CPNE4: variants seen among roughly 807,000 people sequenced by gnomAD.
CPNE4 encodes copine-4.
Under a neutral mutation model 67.9 loss-of-function variants are expected in CPNE4, and 25 were observed. That is an observed-to-expected ratio of 0.37 (90% confidence interval 0.27 to 0.51). The LOEUF is 0.51. Among genes scored for constraint, CPNE4 ranks in the 20% least tolerant of loss-of-function variants. The pLI, the probability that CPNE4 is intolerant of heterozygous loss-of-function variation, is 0.93. For synonymous variants in CPNE4, 242 were observed against 244.9 expected, an observed-to-expected ratio of 0.99 and a Z score of 0.11; for missense variants, 464 against 690.8, an observed-to-expected ratio of 0.67 and a Z score of 3.68.
intron 1 of CPNE4, among the ~76,000 whole-genome samples, chr3:132,029,524 G>A (rs1255151890): frequency 3.3e-5 from 5 of 152,136 alleles, no homozygotes; most frequent in Non-Finnish European, 4.4e-5. Context: ...CGTCCTTCTA[G>A]ACTCACCAGC....
At chr3:131,993,307 G>T (rs72628544) in intron 1 of CPNE4, among the ~76,000 whole-genome samples, 13,706 of 133,608 alleles carry the variant, frequency 0.1, 2,731 homozygotes, top group East Asian at 0.22. Flanking sequence ...ATGCTGTCCA[G>T]GTTCAGGACC....
intron 2 of CPNE4, among the ~76,000 whole-genome samples, chr3:131,788,416 C>T (rs942922606): frequency 3.9e-5 from 6 of 152,018 alleles, no homozygotes; most frequent in Admixed American, 2.6e-4. Flanking sequence ...AAAAGTTTAG[C>T]CTCTTTAATA....
At chr3:131,923,362 G>A (rs1014499228) in intron 1 of CPNE4, among the ~76,000 whole-genome samples, 2 of 152,170 alleles carry the variant, frequency 1.3e-5, no homozygotes, top group Admixed American at 6.6e-5. Flanking sequence ...TTCTGAGAAT[G>A]TGGAGCAGGG....
At chr3:131,895,399 G>A (rs1290651364) in intron 2 of CPNE4, among the ~76,000 whole-genome samples, 1 of 152,028 alleles carries the variant, frequency 6.6e-6, no homozygotes, top group Admixed American at 6.6e-5. Context: ...AAATGCATGA[G>A]ATGAAGCATA....
intron 2 of CPNE4, among the ~76,000 whole-genome samples, chr3:131,788,128 A>G (rs998625992): frequency 6.6e-6 from 1 of 152,124 alleles, no homozygotes; most frequent in Non-Finnish European, 1.5e-5. Context: ...GGAGCCTACA[A>G]AAGAAATTCA....
At chr3:131,916,078 C>T (rs532216379) in intron 1 of CPNE4, among the ~76,000 whole-genome samples, 2 of 152,110 alleles carry the variant, frequency 1.3e-5, no homozygotes, top group East Asian at 1.9e-4. Context: ...CTGTCACAGC[C>T]CCTCCTTTTC....
rs1172482258 is a variant in CPNE4 at position 131,596,349 on chromosome 3, G to A, written c.682-8767C>T. 4.3e-5 allele frequency among the ~76,000 whole-genome samples: 5 copies of A among 116,932 alleles called. 1 individual carries two copies. The highest frequency in any genetic ancestry group is 8.1e-5 in the African/African-American group (2 of 24,742). The allele number at this position is 116,932 out of a possible 152,430, so 76.7% of individuals were successfully genotyped here. A position where few individuals can be genotyped will look rare whatever the true frequency, so the allele number is the denominator to read the frequency against. On this transcript the variant is annotated intron_variant, in intron 7 of 15. Coordinates refer to ENST00000429747, the MANE Select transcript of CPNE4 (RefSeq NM_130808.3). ...TAAAAATTAAGTAAAGCGGCCGGGC[G>A]CGGTGGCTCACGCCTGTAATCCCAG...
chr3:131,984,373 A>G (rs1051060065), intron 1 of CPNE4, among the ~76,000 whole-genome samples: 2 of 152,216 alleles, frequency 1.3e-5, no homozygotes, highest in African/African-American at 2.4e-5. Context: ...TTAATTCACC[A>G]AAAAGAGCAG....
chr3:131,842,315 C>T (rs892878912), intron 2 of CPNE4, among the ~76,000 whole-genome samples: 2 of 152,206 alleles, frequency 1.3e-5, no homozygotes, highest in Admixed American at 1.3e-4. Context: ...GAATCATCAG[C>T]AGGTTCTAGA....
intron 1 of CPNE4, among the ~76,000 whole-genome samples, chr3:131,983,050 G>T (rs1347915377): frequency 6.6e-6 from 1 of 151,842 alleles, no homozygotes; most frequent in Non-Finnish European, 1.5e-5. Context: ...CAAAATTTTT[G>T]TCTAAAAATT....
intron 1 of CPNE4, among the ~76,000 whole-genome samples, chr3:131,938,233 T>C (rs1188960117): frequency 6.6e-6 from 1 of 151,994 alleles, no homozygotes; most frequent in Non-Finnish European, 1.5e-5. Context: ...GGTGTGCATA[T>C]GTAGTCTCAG....
In CPNE4 at chr3:131,581,780, C is replaced by A; in HGVS notation, c.781-115G>T. 3 of 730,320 alleles carry A rather than the reference C, an allele frequency of 4.1e-6. No individual in the cohort carries two copies. In the South Asian group the frequency reaches 4.7e-5, roughly 11 times the overall value. 45.2% of individuals were successfully genotyped at this position (730,320 alleles called of 1,614,324 possible). ...CTGAACTGGAGGGCTGACAAATAGT[C>A]TCTAGGTGGTAACTCTTGCATCTAG... On this transcript the variant is annotated intron_variant, in intron 8 of 15. Coordinates refer to ENST00000429747, the MANE Select transcript of CPNE4 (RefSeq NM_130808.3).
chr3:131,934,380 A>G (rs2071158477), intron 1 of CPNE4, among the ~76,000 whole-genome samples: 1 of 152,188 alleles, frequency 6.6e-6, no homozygotes, highest in Non-Finnish European at 1.5e-5. Context: ...TTTGTTATAA[A>G]ATGTCACTAA....
intron 15 of CPNE4, among the ~76,000 whole-genome samples, chr3:131,541,949 G>A (rs1935522800): frequency 6.6e-6 from 1 of 152,162 alleles, no homozygotes; most frequent in South Asian, 2.1e-4. Flanking sequence ...GGGATTACAG[G>A]GGTGAGCCAC....
chr3:131,907,643 G>C (rs565408741), intron 1 of CPNE4, among the ~76,000 whole-genome samples: 2 of 152,046 alleles, frequency 1.3e-5, no homozygotes, highest in African/African-American at 2.4e-5. Context: ...TGGAACACAG[G>C]CATGCTTATT....
At chr3:131,792,739 A>G (rs528003204) in intron 2 of CPNE4, among the ~76,000 whole-genome samples, 14 of 132,240 alleles carry the variant, frequency 1.1e-4, no homozygotes, top group Admixed American at 4.7e-4. Context: ...ACACGTGTGT[A>G]TATATGTATA....
At chr3:131,780,561 C>A (rs576794706) in intron 2 of CPNE4, among the ~76,000 whole-genome samples, 1 of 152,164 alleles carries the variant, frequency 6.6e-6, no homozygotes, top group African/African-American at 2.4e-5. Context: ...TTATCCGAAG[C>A]AAATTAATGC....
intron 2 of CPNE4, among the ~76,000 whole-genome samples, chr3:131,770,285 C>A (rs955218310): frequency 1.3e-5 from 2 of 152,180 alleles, no homozygotes; most frequent in Non-Finnish European, 2.9e-5. Context: ...GAGACAGACA[C>A]CCCTTCTGAG....
chr3:131,795,065 C>T (rs192446454), intron 2 of CPNE4, among the ~76,000 whole-genome samples: 87 of 152,254 alleles, frequency 5.7e-4, no homozygotes, highest in African/African-American at 1.9e-3. Context: ...ATGAAAACTC[C>T]GCTATTGAGA....
Sources: gnomAD v4.1 joint callset for allele counts (sites outside exome capture counted in the v4.1 genomes callset) on GRCh38, gnomAD v4.1.1 for gene constraint, MANE v1.5 for transcripts, NCBI Gene and HGNC (gene_info 2026-07-23, HGNC 2026-07-21) for gene names.